NUP98: variants seen among roughly 807,000 people sequenced by gnomAD.
NUP98 encodes the protein nuclear pore complex protein Nup98-Nup96.
Under a neutral mutation model 191.9 loss-of-function variants are expected in NUP98, and 26 were observed. The ratio of observed to expected loss-of-function variants is 0.14; its 90% CI spans 0.10 to 0.19. The LOEUF is 0.19. NUP98 is among the 10% of genes least tolerant of loss of function. NUP98 has a pLI of 1.00. For missense variants in NUP98, 1,941 were observed against 2,178.8 expected, an observed-to-expected ratio of 0.89 and a Z score of 2.17; for synonymous variants, 808 against 778.4, an observed-to-expected ratio of 1.04 and a Z score of -0.63.
At chr11:3,727,897 C>A (rs572385376) in intron 14 of NUP98, among the ~76,000 whole-genome samples, 1 of 152,024 alleles carries the variant, frequency 6.6e-6, no homozygotes, top group Non-Finnish European at 1.5e-5. Flanking sequence ...GTGGCACGCA[C>A]CTGTAGTCCC....
chr11:3,764,424 A>G (rs758776676), intron 8 of NUP98, among the ~76,000 whole-genome samples: 12 of 152,132 alleles, frequency 7.9e-5, no homozygotes, highest in Non-Finnish European at 1.5e-4. Context: ...GTACAAGTCT[A>G]TGTCTTATTT....
At chr11:3,690,277 T>C (rs1416128274) in intron 28 of NUP98, among the ~76,000 whole-genome samples, 2 of 143,500 alleles carry the variant, frequency 1.4e-5, no homozygotes, top group East Asian at 4.3e-4. Flanking sequence ...TTTTTATTTT[T>C]GAGACAGAGT....
At chr11:3,753,288 C>T in intron 11 of NUP98, 28 bp downstream of exon 11, 2 of 1,544,250 alleles carry the variant, frequency 1.3e-6, no homozygotes, top group Non-Finnish European at 1.8e-6. Context: ...TGTGTCACTT[C>T]CTAGATCTCA....
At chr11:3,793,177 C>A (rs919462355) in intron 1 of NUP98, among the ~76,000 whole-genome samples, 7 of 152,122 alleles carry the variant, frequency 4.6e-5, no homozygotes, top group Admixed American at 3.3e-4. Context: ...TCTGAAAAGG[C>A]CATTAAAATA....
chr11:3,773,388 C>CAA (rs112070730), intron 6 of NUP98, among the ~76,000 whole-genome samples: 2 of 130,922 alleles, frequency 1.5e-5, no homozygotes, highest in Non-Finnish European at 1.7e-5. Context: ...AAGCCCATCT[C>CAA]AAAAAAAAAA....
chr11:3,696,245 TA>T (rs1008528757), intron 25 of NUP98, among the ~76,000 whole-genome samples: 3 of 152,018 alleles, frequency 2.0e-5, no homozygotes, highest in African/African-American at 7.3e-5. Flanking sequence ...CTCACACCTG[TA>T]ATCCCAGTGC....
intron 1 of NUP98, among the ~76,000 whole-genome samples, chr11:3,791,124 T>G (rs1202914850): frequency 2.6e-5 from 4 of 151,976 alleles, no homozygotes; most frequent in Admixed American, 1.3e-4. Context: ...CTCGATCTCC[T>G]GACCTTGTGA....
chr11:3,751,684 C>A (rs1293315032), intron 11 of NUP98, among the ~76,000 whole-genome samples: 1 of 152,036 alleles, frequency 6.6e-6, no homozygotes, highest in African/African-American at 2.4e-5. Context: ...AACAGGTCGA[C>A]CTCATCTCTC....
intron 20 of NUP98, among the ~76,000 whole-genome samples, chr11:3,708,194 C>G (rs2078920141): frequency 6.6e-6 from 1 of 152,154 alleles, no homozygotes; most frequent in African/African-American, 2.4e-5. Flanking sequence ...AAGTTCAACA[C>G]TTATTTATTT....
chr11:3,773,864 C>CA (rs1589938806), intron 5 of NUP98, 125 bp from the exon 6 acceptor site: 1 of 554,428 alleles, frequency 1.8e-6, no homozygotes, highest in East Asian at 3.0e-5. Flanking sequence ...GAGATGGTTT[C>CA]AAGGGTGCTT....
Position 3,702,777 on chromosome 11 carries a change from G to A in NUP98, c.3198C>T (p.Ser1066=). 6.2e-7 allele frequency: 1 copy of A among 1,614,164 alleles called. No homozygotes were observed. The highest frequency in any genetic ancestry group is 8.5e-7 in the Non-Finnish European group (1 of 1,180,034). ...TCAGGGGTGGAGGGACAGACCAAGA[G>A]GATGTGGATGGGATATTCATTAAAG... ...AASLMNIPST[S]SWSVPPPLTS... Residue 1066 remains serine, a synonymous_variant, in exon 23 of 33, where the codon TCC becomes TCT. Coordinates refer to ENST00000324932, the MANE Select transcript of NUP98 (RefSeq NM_016320.5).
intron 19 of NUP98, 41 bp from the exon 20 acceptor site, chr11:3,712,769 T>C (rs1412950990): frequency 6.3e-7 from 1 of 1,591,992 alleles, no homozygotes. Flanking sequence ...TTAAACATTA[T>C]GCTTTCCCAA....
At chr11:3,755,337 G>A (rs61877601) in intron 10 of NUP98, among the ~76,000 whole-genome samples, 7,619 of 151,318 alleles carry the variant, frequency 0.05, 249 homozygotes, top group Middle Eastern at 0.1. Flanking sequence ...GGTGGTGCAC[G>A]CTTGGAATCC....
intron 9 of NUP98, among the ~76,000 whole-genome samples, chr11:3,762,071 C>T (rs1264306025): frequency 5.9e-5 from 9 of 152,158 alleles, no homozygotes; most frequent in Non-Finnish European, 2.9e-5. Context: ...AAATTTCAAT[C>T]TCCATGAAAA....
intron 28 of NUP98, among the ~76,000 whole-genome samples, chr11:3,687,902 T>C (rs1487243827): frequency 6.6e-6 from 1 of 151,628 alleles, no homozygotes; most frequent in Non-Finnish European, 1.5e-5. Context: ...CAGTGACTCA[T>C]GCCTGTAATA....
At chr11:3,756,443 T>C (rs2134466862) in intron 10 of NUP98, among the ~76,000 whole-genome samples, 2 of 152,138 alleles carry the variant, frequency 1.3e-5, no homozygotes, top group Middle Eastern at 3.4e-3. Flanking sequence ...TGACTGTAAA[T>C]ATATTCGCAC....
At chr11:3,747,098 C>A (rs2080533724) in intron 11 of NUP98, among the ~76,000 whole-genome samples, 2 of 152,038 alleles carry the variant, frequency 1.3e-5, no homozygotes, top group Admixed American at 1.3e-4. Context: ...GAGAGACATT[C>A]TGAGTGTGAT....
intron 21 of NUP98, among the ~76,000 whole-genome samples, chr11:3,706,064 G>A (rs2078850049): frequency 6.6e-6 from 1 of 151,460 alleles, no homozygotes; most frequent in African/African-American, 2.4e-5. Context: ...ACCTACACAG[G>A]AGGTTGGGGC....
In NUP98 at chr11:3,683,421, C is replaced by T. The variant is rs761013524; in HGVS notation, c.4697G>A (p.Arg1566Gln). Reference sequence around the variant, plus strand: ...CTGGCAGTGCCGGGTAAGCAGCTCTCGAACAGCCTTCTCACGTATGCTACA... The same window carrying T: ...CTGGCAGTGCCGGGTAAGCAGCTCTTGAACAGCCTTCTCACGTATGCTACA... ...DNSGIREKAVRELLTRHCQLL... is the reference protein window; with the variant it reads ...DNSGIREKAVQELLTRHCQLL... Residue 1566 changes from arginine to glutamine, a missense_variant, in exon 30 of 33, where the codon CGA becomes CAA. By Grantham distance (43) the Arg-to-Gln change is conservative. This residue lies in a region of NUP98 where 1,030 missense variants were observed against 1,115.8 expected (regional missense o/e 0.92). Coordinates refer to ENST00000324932, the MANE Select transcript of NUP98 (RefSeq NM_016320.5). 5.6e-6 allele frequency: 9 copies of T among 1,614,118 alleles called. No homozygotes were observed. Among genetic ancestry groups the T allele is most frequent in the South Asian group, 1.1e-5 (1 of 91,072 alleles).
Sources: allele counts gnomAD v4.1 joint callset (sites outside exome capture counted in the v4.1 genomes callset), GRCh38; gene constraint gnomAD v4.1.1; regional missense constraint gnomAD v4.1.1; transcripts MANE v1.5; gene names NCBI Gene and HGNC (gene_info 2026-07-23, HGNC 2026-07-21).